Variants in UGT2B11 observed in about 807,000 individuals in gnomAD.
UGT2B11 encodes UDP glucuronosyltransferase family 2 member B11, also known as UDP-glucuronosyltransferase 2B11.
Under a neutral mutation model 51.7 loss-of-function variants are expected in UGT2B11, and 49 were observed. The ratio of observed to expected loss-of-function variants is 0.95; its 90% CI spans 0.75 to 1.20. UGT2B11 has a LOEUF of 1.20. UGT2B11 is among the 50% of genes most tolerant of loss of function. UGT2B11 has a pLI of 0.00. For synonymous variants in UGT2B11, 273 were observed against 209.0 expected (o/e 1.31, Z -2.64); for missense variants, 810 against 622.1 (o/e 1.30, Z -3.21).
the UGT2B11 span, among the ~76,000 whole-genome samples, chr4:69,222,890 C>T: frequency 3.2e-4 from 48 of 152,138 alleles, no homozygotes; most frequent in African/African-American, 1.1e-3. Flanking sequence ...TTCCGATGCA[C>T]CTTTAACACT....
the UGT2B11 span, among the ~76,000 whole-genome samples, chr4:69,224,314 C>G: frequency 6.6e-6 from 1 of 152,084 alleles, no homozygotes; most frequent in Non-Finnish European, 1.5e-5. Flanking sequence ...GCCATGGTCT[C>G]AACCAGGAAA....
chr4:69,203,152 C>A (rs1007863076), intron 5 of UGT2B11, among the ~76,000 whole-genome samples: 8 of 151,546 alleles, frequency 5.3e-5, no homozygotes, highest in Non-Finnish European at 8.9e-5. Context: ...ATAAATAGTT[C>A]TTAAAACTTA....
At chr4:69,200,773 C>G in intron 5 of UGT2B11, 54 bp from the exon 6 acceptor site, 1 of 1,505,370 alleles carries the variant, frequency 6.6e-7, no homozygotes. Context: ...TTTGCCTGTA[C>G]ATATCAAGTC....
At chr4:69,210,785 A>G (rs1722031976) in intron 2 of UGT2B11, among the ~76,000 whole-genome samples, 1 of 151,588 alleles carries the variant, frequency 6.6e-6, no homozygotes, top group Non-Finnish European at 1.5e-5. Flanking sequence ...ACTGAGTTTT[A>G]ACAATGGAAT....
chr4:69,200,338 ACAGG>A lies in UGT2B11; in HGVS notation c.*98_*101del. On this transcript the variant is annotated 3_prime_UTR_variant, in exon 6 of 6. Coordinates refer to ENST00000446444, the MANE Select transcript of UGT2B11 (RefSeq NM_001073.3). ...TTTTTTTTTTTTTTTTTTTTTTGTC[ACAGG>A]AAGAAAGAAATCTTGCATAACAATC... The A allele has an allele frequency of 9.7e-7, 1 of 1,033,720 alleles. No individual in the cohort carries two copies. Among genetic ancestry groups the A allele is most frequent in the Non-Finnish European group, 1.2e-6 (1 of 813,594 alleles). 64.0% of individuals were successfully genotyped at this position (1,033,720 alleles called of 1,614,324 possible). A position where few individuals can be genotyped will look rare whatever the true frequency, so the allele number is the denominator to read the frequency against.
Position 69,214,563 on chromosome 4 carries a change from T to A in UGT2B11, c.160A>T (p.Thr54Ser), listed in dbSNP as rs374800460. The change falls in exon 1 of 6, where the codon ACT (threonine) becomes TCT (serine). Residue 54 changes from threonine to serine, a missense_variant. By Grantham distance (58) the Thr-to-Ser change is moderately conservative. Transcript: ENST00000446444. ...ATGGAAGCTGAAGATGCCAGTACAG[T>A]CACCTCATGACCTCTCTGAACAAGC... ...KELVQRGHEV[T>S]VLASSASILF... 6.2e-7 allele frequency: 1 copy of A among 1,613,292 alleles called. No individual in the cohort carries two copies. The highest frequency in any genetic ancestry group is 8.5e-7 in the Non-Finnish European group (1 of 1,179,502).
upstream of UGT2B11, chr4:69,216,613 A>G (rs1276728215): frequency 6.6e-6 from 1 of 151,550 alleles, no homozygotes; most frequent in Admixed American, 6.6e-5. Context: ...CATAAGAAAC[A>G]AAAAAGCCCA....
intron 4 of UGT2B11, among the ~76,000 whole-genome samples, chr4:69,204,859 C>A (rs887313788): frequency 6.6e-6 from 1 of 151,698 alleles, no homozygotes; most frequent in Non-Finnish European, 1.5e-5. Context: ...AAACTTAATA[C>A]AAGATTTTCA....
At chr4:69,216,295 T>C (rs1165303134), upstream of UGT2B11, 7 of 151,452 alleles carry the variant, frequency 4.6e-5, no homozygotes, top group African/African-American at 7.3e-5. Flanking sequence ...ATTCATGATA[T>C]GTAGTTTTTG....
At chr4:69,224,155 G>A in the UGT2B11 span, among the ~76,000 whole-genome samples, 2 of 152,278 alleles carry the variant, frequency 1.3e-5, no homozygotes, top group South Asian at 2.1e-4. Context: ...CTTTTAAATA[G>A]AGAATCTTCA....
chr4:69,201,647 C>T (rs909588654), intron 5 of UGT2B11, among the ~76,000 whole-genome samples: 1 of 151,722 alleles, frequency 6.6e-6, no homozygotes, highest in Non-Finnish European at 1.5e-5. Context: ...TGCTACAACC[C>T]AAGGCATGTG....
rs781679030 is a variant in UGT2B11, at chr4:69,214,334, A to C, written c.389T>G (p.Val130Gly). 1 of 1,613,024 alleles carries C rather than the reference A, an allele frequency of 6.2e-7. No homozygotes were observed. The highest frequency in any genetic ancestry group is 1.1e-5 in the South Asian group (1 of 90,998). The change falls in exon 1 of 6, where the codon GTA becomes GGA. Residue 130 changes from valine to glycine, a missense_variant. Transcript: ENST00000446444. ...TTTCATAACTTTCTTATTTGAAACT[A>C]CATCTTTACAGAAGTTTCTAAATAT... The part of the protein sequence containing the change: ...YDIFRNFCKD[V>G]VSNKKVMKKL...
intron 5 of UGT2B11, among the ~76,000 whole-genome samples, chr4:69,203,177 A>G (rs972215252): frequency 2.0e-5 from 3 of 151,878 alleles, no homozygotes; most frequent in East Asian, 2.0e-4. Context: ...TAAGACAAAT[A>G]GAAAAGTTAA....
rs751178532 is a variant in UGT2B11 at position 69,214,001 on chromosome 4, C to G, written c.721+1G>C. On this transcript the variant is annotated splice_donor_variant, in intron 1 of 5. Transcript: ENST00000446444. LOFTEE classifies it high-confidence loss of function. ...ACGTTACCGATTAAACAAATTCTTA[C>G]CTAAAACTTCACTGTAAAACTGATC... 6.4e-7 allele frequency: 1 copy of G among 1,557,826 alleles called. No individual in the cohort carries two copies. The highest frequency in any genetic ancestry group is 1.7e-4 in the Middle Eastern group (1 of 5,772).
chr4:69,222,591 C>T, the UGT2B11 span, among the ~76,000 whole-genome samples: 3 of 152,300 alleles, frequency 2.0e-5, no homozygotes, highest in East Asian at 3.9e-4. Flanking sequence ...ACCATAGATC[C>T]CCAAATTACC....
At chr4:69,215,887 A>G (rs1208880633), upstream of UGT2B11, 1 of 152,098 alleles carries the variant, frequency 6.6e-6, no homozygotes, top group Non-Finnish European at 1.5e-5. Context: ...GGAAAAGTGA[A>G]TAAATTAAAT....
rs11340393 is a variant in UGT2B11 at position 69,200,312 on chromosome 4, ATTTT to A, written c.*124_*127del. 0.011 allele frequency: 8,471 copies of A among 806,356 alleles called. 1 individual carries two copies. The highest frequency in any genetic ancestry group is 0.02 in the East Asian group (361 of 18,282). 50.0% of individuals were successfully genotyped at this position (806,356 alleles called of 1,614,324 possible). A position where few individuals can be genotyped will look rare whatever the true frequency, so the allele number is the denominator to read the frequency against. On this transcript the variant is annotated 3_prime_UTR_variant, in exon 6 of 6. Coordinates refer to ENST00000446444, the MANE Select transcript of UGT2B11 (RefSeq NM_001073.3). ...TTTACTTGACAAGGTAGATTTGAAA[ATTTT>A]TTTTTTTTTTTTTTTTTTGTCACAG...
the UGT2B11 span, among the ~76,000 whole-genome samples, chr4:69,223,815 A>T: frequency 2.0e-5 from 3 of 152,096 alleles, no homozygotes; most frequent in Admixed American, 2.0e-4. Context: ...GTCCCAACTG[A>T]CTATATTTTC....
rs912636955 is a variant in UGT2B11 at position 69,204,794 on chromosome 4, A to G, written c.1091-145T>C. 1.1e-5 allele frequency: 15 copies of G among 1,323,124 alleles called. No homozygotes were observed. The African/African-American group carries it at 1.9e-4, about 17-fold the overall frequency. The allele number at this position is 1,323,124 out of a possible 1,614,324, so 82.0% of individuals were successfully genotyped here. ...TCAGACTTCAGATGAAAAAGCACGTACTTGTTTAGGAGATGTAACTGAAAG... is the reference window on the plus strand; with the variant it reads ...TCAGACTTCAGATGAAAAAGCACGTGCTTGTTTAGGAGATGTAACTGAAAG... On this transcript the variant is annotated intron_variant, in intron 4 of 5. Transcript: ENST00000446444.
Sources: gnomAD v4.1 joint callset for allele counts (sites outside exome capture counted in the v4.1 genomes callset) on GRCh38, gnomAD v4.1.1 for gene constraint, MANE v1.5 for transcripts, NCBI Gene and HGNC (gene_info 2026-07-23, HGNC 2026-07-21) for gene names.